Variants in CAD observed in about 807,000 individuals in gnomAD.
The protein encoded by CAD is carbamoyl-phosphate synthetase 2, aspartate transcarbamylase, and dihydroorotase, also known as multifunctional protein CAD.
In CAD, 81 loss-of-function variants were observed where a neutral mutation model predicts 237.2. The observed-to-expected ratio is 0.34, with a 90% CI of 0.29 to 0.41. The LOEUF (loss-of-function observed/expected upper bound fraction) is 0.41. Ranked by LOEUF, CAD falls within the 10% of genes least tolerant of loss-of-function variation. The pLI is 1.00. For synonymous variants in CAD, 1,196 were observed against 1,162.8 expected, an observed-to-expected ratio of 1.03 and a Z score of -0.58; for missense variants, 2,181 against 2,951.7, an observed-to-expected ratio of 0.74 and a Z score of 6.05.
Position 27,234,052 on chromosome 2 carries a change from C to T in CAD, c.3444C>T (p.Ala1148=). 1 of 1,614,116 alleles carries T rather than the reference C, an allele frequency of 6.2e-7. No individual in the cohort carries two copies. Among genetic ancestry groups the T allele is most frequent in the Non-Finnish European group, 8.5e-7 (1 of 1,180,014 alleles). Residue 1148 remains alanine, a synonymous_variant, in exon 22 of 44, where the codon GCC becomes GCT. Coordinates refer to ENST00000264705, the MANE Select transcript of CAD (RefSeq NM_004341.5). ...TGGCCTCTGATGGTGTGGTGGCAGC[C>T]ATCGCCATCTCTGAGCATGTGGAGA... is the stretch of plus-strand genomic sequence containing the variant. The part of the protein sequence containing the change: ...DAVASDGVVA[A]IAISEHVENA...
In CAD at chr2:27,236,290, G is replaced by C; in HGVS notation, c.4081G>C (p.Ala1361Pro). 1.2e-6 allele frequency: 2 copies of C among 1,613,720 alleles called. No homozygotes were observed. The highest frequency in any genetic ancestry group is 4.5e-5 in the East Asian group (2 of 44,878). Residue 1361 changes from alanine (A) to proline (P), a missense_variant, in exon 26 of 44, where the codon GCT (alanine) becomes CCT (proline). Physicochemically the swap from Ala to Pro is conservative, Grantham distance 27 (BLOSUM62 -1). Transcript: ENST00000264705. The surrounding 1 kb of genome is among the most constrained non-coding windows in gnomAD (Gnocchi z 4.1). ...FYTEHGVKVT[A>P]VDWHFEEAVD... Reference sequence around the variant, plus strand: ...CTTGACTCCGGGTTGGCAGGTAACAGCTGTGGACTGGCACTTTGAGGAGGC... The same window carrying C: ...CTTGACTCCGGGTTGGCAGGTAACACCTGTGGACTGGCACTTTGAGGAGGC...
chr2:27,243,702 C>T lies in CAD; in HGVS notation c.*184C>T. The T allele has an allele frequency of 3.3e-6, 2 of 603,440 alleles. No individual in the cohort carries two copies. The highest frequency in any genetic ancestry group is 2.0e-5 in the South Asian group (1 of 49,278). The allele number at this position is 603,440 out of a possible 1,614,324, so 37.4% of individuals were successfully genotyped here. Reference sequence around the variant, plus strand: ...GGGTGGGGCCTCAGATGCTGGGGCCCAGTCTGCCCCATCTTCATTCCTGCA... The same window carrying T: ...GGGTGGGGCCTCAGATGCTGGGGCCTAGTCTGCCCCATCTTCATTCCTGCA... On this transcript the variant is annotated 3_prime_UTR_variant, in exon 44 of 44. Coordinates refer to ENST00000264705, the MANE Select transcript of CAD (RefSeq NM_004341.5).
At position 27,241,794 on chromosome 2, in the gene CAD, G is replaced by T; in HGVS notation, c.5884-117G>T. 1.3e-6 allele frequency: 1 copy of T among 745,080 alleles called. No homozygotes were observed. Among genetic ancestry groups the T allele is most frequent in the Non-Finnish European group, 2.3e-6 (1 of 443,038 alleles). 46.2% of individuals were successfully genotyped at this position (745,080 alleles called of 1,614,324 possible). ...CTCTGACAGGTCACAGGGGAGGTTT[G>T]GGTGCAGAAGGGTCCTCACAGCACC... On this transcript the variant is annotated intron_variant, in intron 38 of 43. Coordinates refer to ENST00000264705, the MANE Select transcript of CAD (RefSeq NM_004341.5). The surrounding 1 kb of genome is among the most constrained non-coding windows in gnomAD (Gnocchi z 4.6).
At position 27,233,851 on chromosome 2, in the gene CAD, A is replaced by G. The variant is rs183429067; in HGVS notation, c.3399+43A>G. The G allele has an allele frequency of 1.9e-6, 3 of 1,602,832 alleles. No individual in the cohort carries two copies. The highest frequency in any genetic ancestry group is 4.5e-5 in the East Asian group (2 of 44,786). On this transcript the variant is annotated intron_variant, in intron 21 of 43. Transcript: ENST00000264705. This position sits in a 1 kb window ranked among gnomAD's most constrained non-coding sequence, Gnocchi z 6.3. The stretch of plus-strand genomic sequence containing the variant: ...GTGAAGTCTCTGAGGGCATGCTGCC[A>G]GCCCTGGAGGAGACTTCCTTCTCTG...
chr2:27,225,280 G>A (rs1572428089), intron 11 of CAD, 37 bp downstream of exon 11: 3 of 811,714 alleles, frequency 3.7e-6, no homozygotes, highest in Middle Eastern at 5.5e-4. Flanking sequence ...GAATGGTGGT[G>A]TTTTTTTTGG....
chr2:27,239,289 C>A lies in CAD; in HGVS notation c.5254-42C>A. ...GCTCTCCAGCCCTAGGATATGTTCT[C>A]TGGGGATCCTTTCCCTAGCATAACC... On this transcript the variant is annotated intron_variant, in intron 32 of 43. Coordinates refer to ENST00000264705, the MANE Select transcript of CAD (RefSeq NM_004341.5). This position sits in a 1 kb window ranked among gnomAD's most constrained non-coding sequence, Gnocchi z 4.0. The A allele has an allele frequency of 6.2e-7, 1 of 1,604,326 alleles. No individual in the cohort carries two copies. Among genetic ancestry groups the A allele is most frequent in the East Asian group, 2.2e-5 (1 of 44,576 alleles).
In CAD at chr2:27,237,770, C is replaced by T. The variant is rs769036374; in HGVS notation, c.4616C>T (p.Ser1539Phe). The change falls in exon 29 of 44, where the codon TCT becomes TTT. Residue 1539 changes from serine to phenylalanine, a missense_variant. Transcript: ENST00000264705. The surrounding 1 kb of genome is among the most constrained non-coding windows in gnomAD (Gnocchi z 4.0). Reference protein sequence around the residue: ...CDFALFLGASSENAGTLGTVA... With the variant: ...CDFALFLGASFENAGTLGTVA... ...TTTGCGCTATTCCTTGGGGCCTCGT[C>T]TGAAAATGCAGGAACCTTGGGCACC... 2.4e-5 allele frequency: 38 copies of T among 1,614,116 alleles called. 1 individual carries two copies. The South Asian group carries it at 3.0e-4, about 13-fold the overall frequency.
Position 27,232,602 on chromosome 2 carries a change from C to T in CAD, c.2800C>T (p.His934Tyr), listed in dbSNP as rs1675814447. The part of the protein sequence containing the change: ...TTHDLTFRTP[H>Y]VLVLGSGVYR... Reference sequence around the variant, plus strand: ...CCATGACCTCACCTTTCGAACACCTCATGTCCTAGTCCTTGGCTCTGGCGT... The same window carrying T: ...CCATGACCTCACCTTTCGAACACCTTATGTCCTAGTCCTTGGCTCTGGCGT... Residue 934 changes from histidine (H) to tyrosine (Y), a missense_variant, in exon 18 of 44, where the codon CAT becomes TAT. Around this residue, in one of 12 missense-constraint regions of CAD, gnomAD observed 385 missense variants for 535.1 expected, o/e 0.72. Coordinates refer to ENST00000264705, the MANE Select transcript of CAD (RefSeq NM_004341.5). This position sits in a 1 kb window ranked among gnomAD's most constrained non-coding sequence, Gnocchi z 4.1. 1 of 1,614,242 alleles carries T rather than the reference C, an allele frequency of 6.2e-7. No homozygotes were observed.
At chr2:27,224,231 C>T in intron 8 of CAD, 114 bp from the exon 9 acceptor site, 1 of 1,169,070 alleles carries the variant, frequency 8.6e-7, no homozygotes. Flanking sequence ...TCCCTCTGCT[C>T]CTCCTGAGGT....
chr2:27,240,666 A>C lies in CAD; in HGVS notation c.5594-245A>C. The C allele has an allele frequency of 1.3e-6, 2 of 1,532,476 alleles. No homozygotes were observed. Among genetic ancestry groups the C allele is most frequent in the Non-Finnish European group, 1.8e-6 (2 of 1,133,598 alleles). The allele number at this position is 1,532,476 out of a possible 1,614,324, so 94.9% of individuals were successfully genotyped here. On this transcript the variant is annotated intron_variant, in intron 35 of 43. Transcript: ENST00000264705. This position sits in a 1 kb window ranked among gnomAD's most constrained non-coding sequence, Gnocchi z 4.6. ...GTGAGTCTGGCCGTTCCTCTTGCCT[A>C]GGATGCCTTTGCCAACTGGGAGAGC...
chr2:27,219,892 T>C (rs1296194737), intron 2 of CAD, among the ~76,000 whole-genome samples: 1 of 152,196 alleles, frequency 6.6e-6, no homozygotes, highest in Non-Finnish European at 1.5e-5. Flanking sequence ...CCTGGCCTTT[T>C]CTTTTTTAAA....
chr2:27,236,868 C>A lies in CAD; in HGVS notation c.4396+38C>A, dbSNP rs370329838. On this transcript the variant is annotated intron_variant, in intron 27 of 43. Coordinates refer to ENST00000264705, the MANE Select transcript of CAD (RefSeq NM_004341.5). The surrounding 1 kb of genome is among the most constrained non-coding windows in gnomAD (Gnocchi z 4.1). ...GGAGAACTTGGCTTCTGAACACTGGCAGCCCCTGGCATAGAGACCTGCAGT... is the reference window on the plus strand; with the variant it reads ...GGAGAACTTGGCTTCTGAACACTGGAAGCCCCTGGCATAGAGACCTGCAGT... 5.8e-6 allele frequency: 9 copies of A among 1,546,614 alleles called. No homozygotes were observed. In the African/African-American group the frequency reaches 9.5e-5, roughly 16 times the overall value.
Position 27,217,459 on chromosome 2 carries a change from C to G in CAD, c.-93C>G. 1 of 1,133,842 alleles carries G rather than the reference C, an allele frequency of 8.8e-7. No homozygotes were observed. Among genetic ancestry groups the G allele is most frequent in the Non-Finnish European group, 1.3e-6 (1 of 769,104 alleles). The allele number at this position is 1,133,842 out of a possible 1,614,324, so 70.2% of individuals were successfully genotyped here. ...CGCCCCGCGCCGTTAGCCACGTGGA[C>G]CGACTCCGGCGCGCCGTCCTCACGT... On this transcript the variant is annotated 5_prime_UTR_variant, in exon 1 of 44. Coordinates refer to ENST00000264705, the MANE Select transcript of CAD (RefSeq NM_004341.5).
At position 27,217,565 on chromosome 2, in the gene CAD, T is replaced by C. The variant is rs757523437; in HGVS notation, c.14T>C (p.Val5Ala). 2.5e-6 allele frequency: 4 copies of C among 1,607,198 alleles called. No homozygotes were observed. The highest frequency in any genetic ancestry group is 2.5e-6 in the Non-Finnish European group (3 of 1,177,370). Reference protein sequence around the residue: MAALVLEDGSVLRGQ... With the variant: MAALALEDGSVLRGQ... ...AGCTCCCTTCCCATGGCGGCCCTAG[T>C]GTTGGAGGACGGGTCGGTCCTGCGG... The change falls in exon 1 of 44, where the codon GTG becomes GCG. Residue 5 changes from valine (V) to alanine (A), a missense_variant. Around this residue, in one of 12 missense-constraint regions of CAD, gnomAD observed 314 missense variants for 339.4 expected, o/e 0.93. Coordinates refer to ENST00000264705, the MANE Select transcript of CAD (RefSeq NM_004341.5).
chr2:27,240,755 G>T lies in CAD; in HGVS notation c.5594-156G>T. The T allele has an allele frequency of 8.4e-7, 1 of 1,183,686 alleles. No homozygotes were observed. The allele number at this position is 1,183,686 out of a possible 1,614,324, so 73.3% of individuals were successfully genotyped here. A position where few individuals can be genotyped will look rare whatever the true frequency, so the allele number is the denominator to read the frequency against. Reference sequence around the variant, plus strand: ...ATGGGAAGCCACCTGTCTGTCCCCAGAGCTGCTGCAGTCCCCTGCCCTCCC... The same window carrying T: ...ATGGGAAGCCACCTGTCTGTCCCCATAGCTGCTGCAGTCCCCTGCCCTCCC... On this transcript the variant is annotated intron_variant, in intron 35 of 43. Coordinates refer to ENST00000264705, the MANE Select transcript of CAD (RefSeq NM_004341.5). This position sits in a 1 kb window ranked among gnomAD's most constrained non-coding sequence, Gnocchi z 4.6.
chr2:27,236,804 C>G lies in CAD; in HGVS notation c.4370C>G (p.Thr1457Ser). The change falls in exon 27 of 44, where the codon ACC becomes AGC. Residue 1457 changes from threonine to serine, a missense_variant. Coordinates refer to ENST00000264705, the MANE Select transcript of CAD (RefSeq NM_004341.5). The surrounding 1 kb of genome is among the most constrained non-coding windows in gnomAD (Gnocchi z 4.1). ...TTGAAGGTGCATGTTGACTGTATGACCTCCCAAAAGCTTGTGCGACTGCCG... is the reference window on the plus strand; with the variant it reads ...TTGAAGGTGCATGTTGACTGTATGAGCTCCCAAAAGCTTGTGCGACTGCCG... ...PPLKVHVDCM[T>S]SQKLVRLPGL... 1 of 1,614,112 alleles carries G rather than the reference C, an allele frequency of 6.2e-7. No individual in the cohort carries two copies. The highest frequency in any genetic ancestry group is 8.5e-7 in the Non-Finnish European group (1 of 1,180,010).
chr2:27,220,943 G>C (rs1434914833), intron 2 of CAD, among the ~76,000 whole-genome samples: 1 of 152,122 alleles, frequency 6.6e-6, no homozygotes, highest in Admixed American at 6.6e-5. Flanking sequence ...GGGTGACAGA[G>C]TGAGACTCTG....
Position 27,233,894 on chromosome 2 carries a change from G to A in CAD, c.3399+86G>A. The A allele has an allele frequency of 1.3e-6, 2 of 1,559,720 alleles. No homozygotes were observed. The highest frequency in any genetic ancestry group is 2.2e-4 in the Middle Eastern group (1 of 4,612). On this transcript the variant is annotated intron_variant, in intron 21 of 43. Transcript: ENST00000264705. This position sits in a 1 kb window ranked among gnomAD's most constrained non-coding sequence, Gnocchi z 6.3. ...CTTCTCTGGTCCAGCAGAATCATAG[G>A]CACCAGGGCTGGGAACAGTGGGCTA...
Position 27,217,774 on chromosome 2 carries a change from A to G in CAD, c.83-103A>G, listed in dbSNP as rs188327098. The G allele has an allele frequency of 6.5e-3, 9,563 of 1,467,126 alleles. 37 individuals are homozygous for G. The highest frequency in any genetic ancestry group is 7.6e-3 in the Non-Finnish European group (8,202 of 1,086,238). 90.9% of individuals were successfully genotyped at this position (1,467,126 alleles called of 1,614,324 possible). On this transcript the variant is annotated intron_variant, in intron 1 of 43. Coordinates refer to ENST00000264705, the MANE Select transcript of CAD (RefSeq NM_004341.5). ...CGGTGCCCATGGGCCCCAGCGCCAT[A>G]AACCCCTCGCGACCAAGGCAGCCTC...
Sources: allele counts gnomAD v4.1 joint callset (sites outside exome capture counted in the v4.1 genomes callset), GRCh38; gene constraint gnomAD v4.1.1; regional missense constraint gnomAD v4.1.1; non-coding constraint Gnocchi (gnomAD v3.1); transcripts MANE v1.5; gene names NCBI Gene and HGNC (gene_info 2026-07-23, HGNC 2026-07-21).